The following MPHOSPH6 variants were observed in gnomAD, a reference collection of about 807,000 sequenced individuals.
MPHOSPH6 encodes the protein M-phase phosphoprotein 6.
Under a neutral mutation model 21.8 loss-of-function variants are expected in MPHOSPH6, and 25 were observed. The observed-to-expected ratio is 1.15, with a 90% confidence interval of 0.83 to 1.60. The LOEUF is 1.60. Ranked by LOEUF, MPHOSPH6 falls within the 40% of genes most tolerant of loss-of-function variation. The pLI, the probability that MPHOSPH6 is intolerant of heterozygous loss-of-function variation, is 0.00. For missense variants in MPHOSPH6, 269 were observed against 181.8 expected (o/e 1.48, Z -2.76); for synonymous variants, 84 against 56.5 (o/e 1.49, Z -2.18).
rs765285876 is a variant in MPHOSPH6, at chr16:82,148,818, C to T, written c.396G>A (p.Lys132=). The T allele has an allele frequency of 6.2e-7, 1 of 1,614,134 alleles. No homozygotes were observed. The highest frequency in any genetic ancestry group is 8.5e-7 in the Non-Finnish European group (1 of 1,179,996). The change falls in exon 5 of 5, where the codon AAG becomes AAA. Residue 132 remains lysine, a synonymous_variant. Transcript: ENST00000258169. ...CTTCTTCATAATTGGCATGGTCTCT[C>T]TTTCTGGCAAACTTTTTCCCAATTG... The part of the protein sequence containing the change: ...VGTIGKKFAR[K]RDHANYEEDE...
chr16:82,154,137 T>G (rs1409575858), intron 2 of MPHOSPH6, among the ~76,000 whole-genome samples: 2 of 152,144 alleles, frequency 1.3e-5, no homozygotes, highest in Non-Finnish European at 2.9e-5. Context: ...GAAAAAAAAT[T>G]TACCCTGCAA....
chr16:82,162,825 A>G (rs570592774), intron 2 of MPHOSPH6, among the ~76,000 whole-genome samples: 2 of 152,384 alleles, frequency 1.3e-5, no homozygotes, highest in South Asian at 4.1e-4. Flanking sequence ...AAAGAAATGT[A>G]AAGGTCATTT....
In MPHOSPH6 at chr16:82,151,394, T is replaced by A. The variant is rs746288199; in HGVS notation, c.255+30A>T. The A allele has an allele frequency of 9.4e-6, 15 of 1,599,074 alleles. No individual in the cohort carries two copies. The African/African-American group carries it at 1.8e-4, about 19-fold the overall frequency. On this transcript the variant is annotated intron_variant, in intron 3 of 4. Coordinates refer to ENST00000258169, the MANE Select transcript of MPHOSPH6 (RefSeq NM_005792.2). ...GCAGAAAAAAATTCAATTGGAAAAA[T>A]TTTTAATTTGAAGCAATTATATTTA...
chr16:82,151,198 G>C (rs1426737069), intron 3 of MPHOSPH6: 10 of 389,040 alleles, frequency 2.6e-5, no homozygotes, highest in Non-Finnish European at 1.3e-5. Context: ...TGGTGGCTCT[G>C]TCAAGGGCTG....
Position 82,170,133 on chromosome 16 carries a change from G to A in MPHOSPH6, c.43C>T (p.Arg15Cys), listed in dbSNP as rs746570405. 2 of 1,592,776 alleles carry A rather than the reference G, an allele frequency of 1.3e-6. No homozygotes were observed. Among genetic ancestry groups the A allele is most frequent in the Admixed American group, 1.7e-5 (1 of 57,630 alleles). Residue 15 changes from arginine to cysteine, a missense_variant, in exon 1 of 5, where the codon CGC becomes TGC. Physicochemically the swap from Arg to Cys is radical, Grantham distance 180. Coordinates refer to ENST00000258169, the MANE Select transcript of MPHOSPH6 (RefSeq NM_005792.2). ...TCTCAGCGTCCCCGCACCTTCATGC[G>A]CAGTAGATTCTTGGACAACCTTGTC... Reference protein sequence around the residue: ...RKTRLSKNLLRMKFMQRGLDS... With the variant: ...RKTRLSKNLLCMKFMQRGLDS...
intron 3 of MPHOSPH6, chr16:82,151,131 A>G (rs1906251166): frequency 4.6e-6 from 1 of 217,516 alleles, no homozygotes; most frequent in Middle Eastern, 1.6e-3. Flanking sequence ...TAATAGCATG[A>G]TATGAATAAA....
At chr16:82,166,982 C>CA (rs1381545206) in intron 1 of MPHOSPH6, among the ~76,000 whole-genome samples, 1 of 152,184 alleles carries the variant, frequency 6.6e-6, no homozygotes, top group East Asian at 1.9e-4. Context: ...AGTGAGGACT[C>CA]AGAGCAGGCA....
At chr16:82,169,404 C>T (rs1906896209) in intron 1 of MPHOSPH6, among the ~76,000 whole-genome samples, 1 of 152,166 alleles carries the variant, frequency 6.6e-6, no homozygotes, top group Non-Finnish European at 1.5e-5. Flanking sequence ...AGAGACTACC[C>T]TGCGAGACTC....
At chr16:82,148,976 T>G in intron 4 of MPHOSPH6, 113 bp from the exon 5 acceptor site, 1 of 1,315,902 alleles carries the variant, frequency 7.6e-7, no homozygotes. Flanking sequence ...AAAAGAAAAC[T>G]ATCATTAAAA....
intron 2 of MPHOSPH6, among the ~76,000 whole-genome samples, chr16:82,158,512 A>G (rs551905900): frequency 0.066 from 9,875 of 150,570 alleles, 646 homozygotes; most frequent in African/African-American, 0.16. Flanking sequence ...AAAAAAAAAA[A>G]AAAAAAAAAA....
intron 2 of MPHOSPH6, among the ~76,000 whole-genome samples, chr16:82,158,525 A>G (rs889990487): frequency 2.1e-5 from 3 of 142,980 alleles, no homozygotes; most frequent in African/African-American, 7.7e-5. Context: ...AAAAAAAAAG[A>G]TACTTCATCA....
chr16:82,149,454 GA>G (rs1297244649), intron 3 of MPHOSPH6, 51 bp from the exon 4 acceptor site: 5 of 1,526,892 alleles, frequency 3.3e-6, no homozygotes, highest in Non-Finnish European at 4.5e-6. Context: ...CTTGTGAAAG[GA>G]ACTGATGTCA....
chr16:82,159,987 G>T (rs573204386), intron 2 of MPHOSPH6, among the ~76,000 whole-genome samples: 2 of 152,244 alleles, frequency 1.3e-5, no homozygotes, highest in South Asian at 2.1e-4. Flanking sequence ...ATCTCTCTCA[G>T]GAAAGCACCA....
At chr16:82,151,839 C>T (rs1658541546) in intron 2 of MPHOSPH6, among the ~76,000 whole-genome samples, 1 of 152,198 alleles carries the variant, frequency 6.6e-6, no homozygotes, top group South Asian at 2.1e-4. Flanking sequence ...TTTGTGTTTA[C>T]ATCCCCTCAC....
chr16:82,151,980 G>T (rs1906279532), intron 2 of MPHOSPH6, among the ~76,000 whole-genome samples: 1 of 152,150 alleles, frequency 6.6e-6, no homozygotes, highest in Middle Eastern at 3.4e-3. Flanking sequence ...TCGTTCTCAG[G>T]GATTTCAAAA....
chr16:82,170,020 G>C, intron 1 of MPHOSPH6, 105 bp downstream of exon 1: 3 of 1,282,970 alleles, frequency 2.3e-6, no homozygotes, highest in African/African-American at 1.5e-5. Context: ...GAAGCCCTCT[G>C]AGGCCTCTCT....
chr16:82,148,886 A>G, intron 4 of MPHOSPH6, 23 bp from the exon 5 acceptor site: 1 of 1,612,428 alleles, frequency 6.2e-7, no homozygotes, highest in Non-Finnish European at 8.5e-7. Flanking sequence ...CAGGCAGCAC[A>G]CGTTTAATTT....
chr16:82,164,405 G>A (rs1906699222), intron 1 of MPHOSPH6, among the ~76,000 whole-genome samples: 1 of 152,186 alleles, frequency 6.6e-6, no homozygotes, highest in Non-Finnish European at 1.5e-5. Flanking sequence ...ATGAGAAAAT[G>A]CACAATGTAT....
At chr16:82,162,719 T>C (rs1294908765) in intron 2 of MPHOSPH6, among the ~76,000 whole-genome samples, 1 of 152,148 alleles carries the variant, frequency 6.6e-6, no homozygotes, top group Admixed American at 6.5e-5. Context: ...AGTCTGAGAG[T>C]GTCATCTTCT....
Sources: allele counts gnomAD v4.1 joint callset (sites outside exome capture counted in the v4.1 genomes callset), GRCh38; gene constraint gnomAD v4.1.1; transcripts MANE v1.5; gene names NCBI Gene and HGNC (gene_info 2026-07-23, HGNC 2026-07-21).